SELP: variants seen among roughly 807,000 people sequenced by gnomAD.
The protein encoded by SELP is selectin P.
Under a neutral mutation model 104.1 loss-of-function variants are expected in SELP, and 92 were observed. The ratio of observed to expected loss-of-function variants is 0.88; its 90% CI spans 0.75 to 1.05. The LOEUF is 1.05. Among genes scored for constraint, SELP ranks in the 50% least tolerant of loss-of-function variants. The pLI, the probability that SELP is intolerant of heterozygous loss-of-function variation, is 0.00. For missense variants in SELP, 1,022 were observed against 1,017.3 expected, an observed-to-expected ratio of 1.00 and a Z score of -0.06; for synonymous variants, 397 against 364.5, an observed-to-expected ratio of 1.09 and a Z score of -1.01.
Position 169,619,114 on chromosome 1 carries a change from T to A in SELP, c.94+15A>T, listed in dbSNP as rs1215178504. The stretch of plus-strand genomic sequence containing the variant: ...AATTACTTAGGCCTAAGTGAAAAGT[T>A]AGCATAAAGTTTACCAGAGATCAGG... On this transcript the variant is annotated intron_variant, in intron 2 of 16. Coordinates refer to ENST00000263686, the MANE Select transcript of SELP (RefSeq NM_003005.4). 2 of 1,600,382 alleles carry A rather than the reference T, an allele frequency of 1.2e-6. No individual in the cohort carries two copies. The highest frequency in any genetic ancestry group is 1.7e-4 in the Middle Eastern group (1 of 6,060).
intron 15 of SELP, among the ~76,000 whole-genome samples, chr1:169,590,804 CTAGATTATAAA>C (rs3917846): frequency 0.058 from 8,758 of 152,218 alleles, 349 homozygotes; most frequent in Middle Eastern, 0.12. Flanking sequence ...AAAACTATTG[CTAGATTATAAA>C]TAGCAAGGGG....
At chr1:169,622,770 T>C (rs934396349) in intron 1 of SELP, among the ~76,000 whole-genome samples, 1 of 152,176 alleles carries the variant, frequency 6.6e-6, no homozygotes, top group Non-Finnish European at 1.5e-5. Context: ...AAGAAAATAC[T>C]TTAAGCTTAA....
intron 2 of SELP, among the ~76,000 whole-genome samples, chr1:169,618,242 C>T (rs1256708827): frequency 6.6e-6 from 1 of 152,168 alleles, no homozygotes; most frequent in Non-Finnish European, 1.5e-5. Flanking sequence ...TGTGGCAGAA[C>T]CCGGGTGGGA....
At chr1:169,624,423 C>T (rs1663276364) in intron 1 of SELP, among the ~76,000 whole-genome samples, 1 of 152,138 alleles carries the variant, frequency 6.6e-6, no homozygotes, top group Non-Finnish European at 1.5e-5. Flanking sequence ...TGTAAGCCTT[C>T]ATTAAGTACC....
chr1:169,600,472 C>A (rs1251986835), intron 10 of SELP, among the ~76,000 whole-genome samples: 2 of 152,160 alleles, frequency 1.3e-5, no homozygotes, highest in Admixed American at 1.3e-4. Flanking sequence ...GGAACCAATT[C>A]CCCCTGCAGA....
rs79153887 is a variant in SELP at position 169,591,808 on chromosome 1, T to G, written c.2408-352A>C. Reference sequence around the variant, plus strand: ...CAAACCAACAGAACAGTGGATGTTTTTCCTCCCTGGTAGCATATTTTTATC... The same window carrying G: ...CAAACCAACAGAACAGTGGATGTTTGTCCTCCCTGGTAGCATATTTTTATC... On this transcript the variant is annotated intron_variant, in intron 14 of 16. Coordinates refer to ENST00000263686, the MANE Select transcript of SELP (RefSeq NM_003005.4). Among the ~76,000 whole-genome samples, 76 of 152,300 alleles carry G rather than the reference T, an allele frequency of 5.0e-4. 1 individual carries two copies. The East Asian group carries it at 0.015, about 29-fold the overall frequency.
chr1:169,620,131 C>A (rs1435551323), intron 1 of SELP, among the ~76,000 whole-genome samples: 2 of 152,194 alleles, frequency 1.3e-5, no homozygotes, highest in East Asian at 1.9e-4. Context: ...TCGCTTGAAC[C>A]CGGGAGGCGG....
At position 169,593,829 on chromosome 1, in the gene SELP, A is replaced by G. The variant is rs866744193; in HGVS notation, c.2288-105T>C. On this transcript the variant is annotated intron_variant, in intron 13 of 16. Coordinates refer to ENST00000263686, the MANE Select transcript of SELP (RefSeq NM_003005.4). ...TCAAGAACTCTAAGATGTGCGATCA[A>G]GTAGGATCACCAAAGGTCCTGGGAA... 1.2e-5 allele frequency: 14 copies of G among 1,173,826 alleles called. No homozygotes were observed. In the Middle Eastern group the frequency reaches 2.6e-3, roughly 219 times the overall value. 72.7% of individuals were successfully genotyped at this position (1,173,826 alleles called of 1,614,324 possible). A position where few individuals can be genotyped will look rare whatever the true frequency, so the allele number is the denominator to read the frequency against.
intron 3 of SELP, 43 bp downstream of exon 3, chr1:169,616,985 T>G (rs1228221135): frequency 9.2e-6 from 14 of 1,519,742 alleles, no homozygotes; most frequent in South Asian, 1.3e-5. Context: ...AGGCAGGGTT[T>G]TTTTTTTTTA....
At chr1:169,597,302 A>G in intron 10 of SELP, 126 bp from the exon 11 acceptor site, 1 of 806,534 alleles carries the variant, frequency 1.2e-6, no homozygotes, top group South Asian at 2.4e-5. Context: ...GTATTTTGCT[A>G]GGCAGCAGCA....
At chr1:169,630,026 T>C in intron 1 of SELP, 46 bp downstream of exon 1, 1 of 1,613,684 alleles carries the variant, frequency 6.2e-7, no homozygotes, top group Non-Finnish European at 8.5e-7. Flanking sequence ...TCCATACCAC[T>C]CCAACTCACT....
At chr1:169,593,748 G>A in intron 13 of SELP, 24 bp from the exon 14 acceptor site, 1 of 1,611,866 alleles carries the variant, frequency 6.2e-7, no homozygotes, top group African/African-American at 1.3e-5. Context: ...ACACACACAT[G>A]CAAGACATAA....
chr1:169,608,498 A>G (rs1010193986), intron 8 of SELP, among the ~76,000 whole-genome samples: 4 of 152,128 alleles, frequency 2.6e-5, no homozygotes, highest in African/African-American at 9.7e-5. Context: ...ACTTAGCATA[A>G]TGTCTTCAAG....
chr1:169,611,807 G>T, intron 6 of SELP, 130 bp from the exon 7 acceptor site: 1 of 876,480 alleles, frequency 1.1e-6, no homozygotes, highest in Non-Finnish European at 1.7e-6. Flanking sequence ...AGACCCTAAT[G>T]ATGTTTGTCC....
intron 14 of SELP, 101 bp from the exon 15 acceptor site, chr1:169,591,557 T>A: frequency 1.3e-6 from 1 of 758,774 alleles, no homozygotes; most frequent in Non-Finnish European, 2.1e-6. Context: ...ACCAGTAGAC[T>A]GATTTTCAGG....
At chr1:169,604,585 C>A (rs190077874) in intron 9 of SELP, among the ~76,000 whole-genome samples, 2 of 152,340 alleles carry the variant, frequency 1.3e-5, no homozygotes, top group East Asian at 3.9e-4. Context: ...ACACTTTCTA[C>A]GCCTTTCTCT....
Position 169,590,127 on chromosome 1 carries a change from T to C in SELP, c.*1+20A>G. The C allele has an allele frequency of 6.4e-7, 1 of 1,567,684 alleles. No homozygotes were observed. On this transcript the variant is annotated intron_variant, in intron 16 of 16. Coordinates refer to ENST00000263686, the MANE Select transcript of SELP (RefSeq NM_003005.4). ...CCTAGTGTTCTATTTCCTTCAAAAA[T>C]ATCTTTATAGGGATCTTACCTTAAG...
intron 3 of SELP, among the ~76,000 whole-genome samples, chr1:169,614,361 TACTG>T (rs1334413102): frequency 6.6e-6 from 1 of 152,066 alleles, no homozygotes; most frequent in African/African-American, 2.4e-5. Flanking sequence ...GCGAAGAGAG[TACTG>T]ACTATGGCTG....
At chr1:169,612,181 A>T in intron 6 of SELP, 36 bp downstream of exon 6, 2 of 1,600,692 alleles carry the variant, frequency 1.2e-6, no homozygotes, top group Non-Finnish European at 1.7e-6. Flanking sequence ...GACTGGGTGC[A>T]ATGGACATTA....
Sources: gnomAD v4.1 joint callset for allele counts (sites outside exome capture counted in the v4.1 genomes callset) on GRCh38, gnomAD v4.1.1 for gene constraint, MANE v1.5 for transcripts, NCBI Gene and HGNC (gene_info 2026-07-23, HGNC 2026-07-21) for gene names.